The following RSRC1 variants were observed in gnomAD, a reference collection of about 807,000 sequenced individuals.
RSRC1 encodes the protein serine/Arginine-related protein 53.
A neutral mutation model predicts 49.1 loss-of-function variants in RSRC1; 39 were observed. The observed-to-expected ratio is 0.79, with a 90% CI of 0.61 to 1.04. The LOEUF (loss-of-function observed/expected upper bound fraction) is 1.04, where lower values mean the gene tolerates loss of function less well. Ranked by LOEUF, RSRC1 falls within the 50% of genes least tolerant of loss-of-function variation. The pLI is 0.00. For missense variants in RSRC1, 388 were observed against 402.4 expected, an observed-to-expected ratio of 0.96 and a Z score of 0.31; for synonymous variants, 143 against 130.8, an observed-to-expected ratio of 1.09 and a Z score of -0.63.
At chr3:158,141,413 G>A (rs1716742131) in intron 3 of RSRC1, among the ~76,000 whole-genome samples, 1 of 152,142 alleles carries the variant, frequency 6.6e-6, no homozygotes, top group African/African-American at 2.4e-5. Flanking sequence ...TTCTTTAACA[G>A]GATTCACAGA....
In RSRC1 at chr3:158,203,067, T is replaced by C. The variant is rs772363645; in HGVS notation, c.321-5T>C. ...AGTTTATTTAACAAAATCTGCTTAC[T>C]GTAGGTCCAGGTCAAGACCTCGTCT... On this transcript the variant is annotated splice_polypyrimidine_tract_variant and splice_region_variant and intron_variant, in intron 3 of 9. Transcript: ENST00000611884. 3 of 1,608,850 alleles carry C rather than the reference T, an allele frequency of 1.9e-6. No homozygotes were observed. Among genetic ancestry groups the C allele is most frequent in the Non-Finnish European group, 2.5e-6 (3 of 1,176,528 alleles).
At chr3:158,349,788 C>T (rs10936130) in intron 5 of RSRC1, among the ~76,000 whole-genome samples, 17,715 of 144,490 alleles carry the variant, frequency 0.12, 1,294 homozygotes, top group Middle Eastern at 0.2. Context: ...ATGTCTGCCT[C>T]GCGGGTTCAG....
intron 6 of RSRC1, among the ~76,000 whole-genome samples, chr3:158,420,284 T>C (rs971260222): frequency 1.3e-5 from 2 of 151,924 alleles, no homozygotes; most frequent in Admixed American, 6.6e-5. Context: ...GCACTCTTAA[T>C]GAATAAGGAA....
intron 7 of RSRC1, among the ~76,000 whole-genome samples, chr3:158,470,353 CACACACACATAT>C (rs754135705): frequency 3.3e-5 from 4 of 120,056 alleles, no homozygotes; most frequent in African/African-American, 1.0e-4. Context: ...CACACACACA[CACACACACATAT>C]ATATATATAT....
At chr3:158,278,382 T>A (rs937418458) in intron 4 of RSRC1, among the ~76,000 whole-genome samples, 1 of 152,266 alleles carries the variant, frequency 6.6e-6, no homozygotes, top group Non-Finnish European at 1.5e-5. Context: ...TACCATGATA[T>A]ATAACACATC....
chr3:158,358,592 A>C (rs1025418661), intron 6 of RSRC1, among the ~76,000 whole-genome samples: 4 of 152,120 alleles, frequency 2.6e-5, no homozygotes, highest in Admixed American at 2.6e-4. Flanking sequence ...TTTCTAGTTC[A>C]TTGAGGTGAA....
At chr3:158,263,292 TTTC>T (rs1365630511) in intron 4 of RSRC1, among the ~76,000 whole-genome samples, 1 of 152,136 alleles carries the variant, frequency 6.6e-6, no homozygotes, top group African/African-American at 2.4e-5. Context: ...TTATACTGCT[TTTC>T]TTTTTAAATT....
In RSRC1 at chr3:158,123,863, C is replaced by T. The variant is rs778621155; in HGVS notation, c.195-3C>T. 1 of 1,598,526 alleles carries T rather than the reference C, an allele frequency of 6.3e-7. No homozygotes were observed. The highest frequency in any genetic ancestry group is 2.2e-5 in the East Asian group (1 of 44,680). On this transcript the variant is annotated splice_polypyrimidine_tract_variant and splice_region_variant and intron_variant, in intron 2 of 9. Transcript: ENST00000611884. ...AGTGATCTTTGATTATATTTTATTT[C>T]AGACGCAGGCATCGATCAAGCAGTA...
At chr3:158,420,509 T>G (rs1010151893) in intron 6 of RSRC1, among the ~76,000 whole-genome samples, 3 of 151,930 alleles carry the variant, frequency 2.0e-5, no homozygotes, top group African/African-American at 7.2e-5. Flanking sequence ...ACTAATTAGC[T>G]GTGTCACTTT....
chr3:158,472,859 T>A (rs1311045214), intron 7 of RSRC1, among the ~76,000 whole-genome samples: 1 of 152,226 alleles, frequency 6.6e-6, no homozygotes, highest in African/African-American at 2.4e-5. Context: ...AGATCCCATT[T>A]GTCAATTTTG....
chr3:158,283,250 C>A (rs1726283779), intron 4 of RSRC1, among the ~76,000 whole-genome samples: 2 of 151,382 alleles, frequency 1.3e-5, no homozygotes, highest in East Asian at 1.9e-4. Context: ...GAATGTAGAC[C>A]CAGAATAATA....
At chr3:158,316,437 C>CTTTTTTTTTTTTTTTTT (rs1728450999) in intron 5 of RSRC1, among the ~76,000 whole-genome samples, 4 of 87,478 alleles carry the variant, frequency 4.6e-5, no homozygotes, top group Non-Finnish European at 4.5e-5. Flanking sequence ...CAGAATCTCT[C>CTTTTTTTTTTTTTTTTT]ATTTTTTTTT....
chr3:158,176,825 C>A lies in RSRC1; in HGVS notation c.321-26247C>A, dbSNP rs971602964. Among the ~76,000 whole-genome samples, 22 of 152,112 alleles carry A rather than the reference C, an allele frequency of 1.4e-4. 1 individual carries two copies. The highest frequency in any genetic ancestry group is 8.8e-5 in the Non-Finnish European group (6 of 67,978). On this transcript the variant is annotated intron_variant, in intron 3 of 9. Transcript: ENST00000611884. Reference sequence around the variant, plus strand: ...CTAATTAAACTCAAGAGCTTCTGCACGGCAAAAGAAACTACCATTAGAGTG... The same window carrying A: ...CTAATTAAACTCAAGAGCTTCTGCAAGGCAAAAGAAACTACCATTAGAGTG...
In RSRC1 at chr3:158,368,042, GAA is replaced by G. The variant is rs5853824; in HGVS notation, c.583+13142_583+13143del. The stretch of plus-strand genomic sequence containing the variant: ...TATTTACCCTAATGACGTTTAGTAG[GAA>G]AAAAAAAGGTACCAGCTAGATTCTG... On this transcript the variant is annotated intron_variant, in intron 6 of 9. Transcript: ENST00000611884. 3.3e-5 allele frequency among the ~76,000 whole-genome samples: 5 copies of G among 151,366 alleles called. 1 individual carries two copies. Among genetic ancestry groups the G allele is most frequent in the African/African-American group, 9.7e-5 (4 of 41,216 alleles).
intron 3 of RSRC1, among the ~76,000 whole-genome samples, chr3:158,165,748 CTTA>C (rs1718494700): frequency 6.6e-6 from 1 of 152,222 alleles, no homozygotes; most frequent in Non-Finnish European, 1.5e-5. Flanking sequence ...ACTGTCTCTT[CTTA>C]TTCCATATTT....
At chr3:158,196,022 C>T (rs1720584702) in intron 3 of RSRC1, among the ~76,000 whole-genome samples, 1 of 151,984 alleles carries the variant, frequency 6.6e-6, no homozygotes, top group African/African-American at 2.4e-5. Context: ...TAGTTTTTTT[C>T]AATTCTGTGA....
In RSRC1 at chr3:158,539,939, A is replaced by G. The variant is rs1388954595; in HGVS notation, c.759+2741A>G. Among the ~76,000 whole-genome samples, 2 of 152,206 alleles carry G rather than the reference A, an allele frequency of 1.3e-5. No homozygotes were observed. Among genetic ancestry groups the G allele is most frequent in the Non-Finnish European group, 1.5e-5 (1 of 68,028 alleles). Reference sequence around the variant, plus strand: ...TGAAGAGGTGGTATCCACATCTTTGATAACTAGAATAATAGCACTGCACAT... The same window carrying G: ...TGAAGAGGTGGTATCCACATCTTTGGTAACTAGAATAATAGCACTGCACAT... On this transcript the variant is annotated intron_variant, in intron 8 of 9. Coordinates refer to ENST00000611884, the MANE Select transcript of RSRC1 (RefSeq NM_001271838.2). This position sits in a 1 kb window ranked among gnomAD's most constrained non-coding sequence, Gnocchi z 4.1.
Position 158,146,273 on chromosome 3 carries a change from A to G in RSRC1, c.320+22282A>G, listed in dbSNP as rs569136907. Among the ~76,000 whole-genome samples the G allele has an allele frequency of 5.3e-5, 8 of 152,194 alleles. No individual in the cohort carries two copies. The East Asian group carries it at 1.2e-3, about 22-fold the overall frequency. The stretch of plus-strand genomic sequence containing the variant: ...TGATATTGGCTGTGGGTTTGTCATT[A>G]ATAGCTCTTATTATTTTGAGATACG... On this transcript the variant is annotated intron_variant, in intron 3 of 9. Coordinates refer to ENST00000611884, the MANE Select transcript of RSRC1 (RefSeq NM_001271838.2).
intron 4 of RSRC1, among the ~76,000 whole-genome samples, chr3:158,250,130 T>G (rs1253141728): frequency 6.6e-6 from 1 of 152,258 alleles, no homozygotes; most frequent in Non-Finnish European, 1.5e-5. Flanking sequence ...GCTGTGTTAT[T>G]GTAAATTACA....
Sources: gnomAD v4.1 joint callset for allele counts (sites outside exome capture counted in the v4.1 genomes callset) on GRCh38, gnomAD v4.1.1 for gene constraint, Gnocchi (gnomAD v3.1) non-coding constraint, MANE v1.5 for transcripts, NCBI Gene and HGNC (gene_info 2026-07-23, HGNC 2026-07-21) for gene names.